The following SDK1 variants were observed in gnomAD, a reference collection of about 807,000 sequenced individuals.
The protein encoded by SDK1 is protein sidekick-1.
Under a neutral mutation model 245.5 loss-of-function variants are expected in SDK1, and 157 were observed. That is an observed-to-expected ratio of 0.64 (90% CI 0.56 to 0.73). The LOEUF (loss-of-function observed/expected upper bound fraction) is 0.73, where lower values mean the gene tolerates loss of function less well. Ranked by LOEUF, SDK1 falls within the 30% of genes least tolerant of loss-of-function variation. The pLI is 0.00. For missense variants in SDK1, 3,583 were observed against 3,002.3 expected, an observed-to-expected ratio of 1.19 and a Z score of -4.52; for synonymous variants, 1,647 against 1,278.5, an observed-to-expected ratio of 1.29 and a Z score of -6.15.
chr7:3,565,316 A>T (rs559126787), intron 1 of SDK1, among the ~76,000 whole-genome samples: 1 of 152,160 alleles, frequency 6.6e-6, no homozygotes, highest in South Asian at 2.1e-4. Context: ...TATGGTTGTT[A>T]TCTGTCAGAC....
intron 11 of SDK1, among the ~76,000 whole-genome samples, chr7:3,971,247 G>A (rs71527464): frequency 6.6e-6 from 1 of 152,164 alleles, no homozygotes; most frequent in Non-Finnish European, 1.5e-5. Flanking sequence ...AGCTGATTTA[G>A]GAGGGGTGGG....
intron 30 of SDK1, among the ~76,000 whole-genome samples, chr7:4,154,693 T>C (rs1400972960): frequency 1.3e-5 from 2 of 152,198 alleles, no homozygotes; most frequent in East Asian, 1.9e-4. Context: ...CCGGTGCTGC[T>C]ATCTCCATGT....
chr7:3,748,896 C>A (rs1309390562), intron 4 of SDK1, among the ~76,000 whole-genome samples: 1 of 152,104 alleles, frequency 6.6e-6, no homozygotes, highest in Non-Finnish European at 1.5e-5. Context: ...CCTGTCCAGA[C>A]AATTTTTTGT....
intron 5 of SDK1, among the ~76,000 whole-genome samples, chr7:3,841,141 C>A (rs1164369372): frequency 6.6e-6 from 1 of 152,202 alleles, no homozygotes; most frequent in Non-Finnish European, 1.5e-5. Flanking sequence ...GCTGACGGTG[C>A]CTTGCCTCTT....
At position 3,363,333 on chromosome 7, in the gene SDK1, A is replaced by G. The variant is rs6966593; in HGVS notation, c.298+61449A>G. ...TTTTTTATTAAGTAGTGTTCCATGG[A>G]AACTGTGTACCACAGATTGTTTAAC... On this transcript the variant is annotated intron_variant, in intron 1 of 44. Transcript: ENST00000404826. Among the ~76,000 whole-genome samples, 1,280 of 152,076 alleles carry G rather than the reference A, an allele frequency of 8.4e-3. 19 individuals carry two copies. The highest frequency in any genetic ancestry group is 0.03 in the African/African-American group (1,244 of 41,460).
intron 4 of SDK1, among the ~76,000 whole-genome samples, chr7:3,782,165 A>G (rs140720567): frequency 6.3e-4 from 96 of 152,374 alleles, no homozygotes; most frequent in Middle Eastern, 6.8e-3. Flanking sequence ...GCATGGTGCC[A>G]GCATGTGCTT....
At chr7:3,509,184 T>A (rs1782497158) in intron 1 of SDK1, among the ~76,000 whole-genome samples, 1 of 152,160 alleles carries the variant, frequency 6.6e-6, no homozygotes, top group Admixed American at 6.5e-5. Context: ...TTAAGTTGTG[T>A]TAGACAATGG....
intron 1 of SDK1, among the ~76,000 whole-genome samples, chr7:3,516,012 C>T (rs980966612): frequency 1.3e-5 from 2 of 151,840 alleles, no homozygotes; most frequent in African/African-American, 4.8e-5. Flanking sequence ...ACTTATAGTT[C>T]ATCAGATGAG....
At chr7:3,927,397 A>G (rs1380167485) in intron 5 of SDK1, among the ~76,000 whole-genome samples, 4 of 152,076 alleles carry the variant, frequency 2.6e-5, no homozygotes, top group Admixed American at 6.6e-5. Context: ...CTGCTGTGTT[A>G]TATGCATCGT....
chr7:4,206,683 G>C (rs1398739111), intron 36 of SDK1, among the ~76,000 whole-genome samples: 1 of 152,152 alleles, frequency 6.6e-6, no homozygotes, highest in African/African-American at 2.4e-5. Context: ...TCCCATCCCT[G>C]AGGCCTGGCC....
In SDK1 at chr7:3,619,357, A is replaced by T. The variant is rs138547824; in HGVS notation, c.458+118A>T. ...ATTGGATTGAATTTCTAATGCATTC[A>T]AGATTAAAGGAATAGATTTGAATAT... is the stretch of plus-strand genomic sequence containing the variant. On this transcript the variant is annotated intron_variant, in intron 2 of 44. Coordinates refer to ENST00000404826, the MANE Select transcript of SDK1 (RefSeq NM_152744.4). 889 of 786,670 alleles carry T rather than the reference A, an allele frequency of 1.1e-3. 7 individuals are homozygous for T. In the African/African-American group the frequency reaches 0.014, roughly 12 times the overall value. The allele number at this position is 786,670 out of a possible 1,614,324, so 48.7% of individuals were successfully genotyped here.
At chr7:3,875,998 G>A (rs979503602) in intron 5 of SDK1, among the ~76,000 whole-genome samples, 3 of 152,086 alleles carry the variant, frequency 2.0e-5, no homozygotes, top group African/African-American at 7.3e-5. Context: ...CACAATGTGG[G>A]GGAAAGTTTT....
At chr7:3,949,239 C>T (rs1010476781) in intron 5 of SDK1, among the ~76,000 whole-genome samples, 4 of 152,226 alleles carry the variant, frequency 2.6e-5, no homozygotes, top group African/African-American at 4.8e-5. Flanking sequence ...GAGTCACCCT[C>T]ACATTATTCA....
chr7:3,389,648 CA>C (rs1781696883), intron 1 of SDK1, among the ~76,000 whole-genome samples: 3 of 152,116 alleles, frequency 2.0e-5, no homozygotes, highest in Admixed American at 6.5e-5. Context: ...GTCTGTAGTC[CA>C]AGCTACTCAG....
intron 17 of SDK1, among the ~76,000 whole-genome samples, chr7:4,022,798 G>C (rs1787016558): frequency 7.0e-6 from 1 of 142,244 alleles, no homozygotes; most frequent in African/African-American, 2.7e-5. Flanking sequence ...TTTTGAGACA[G>C]AGTCTTGCTC....
At chr7:3,777,868 A>C (rs964169218) in intron 4 of SDK1, among the ~76,000 whole-genome samples, 10 of 152,220 alleles carry the variant, frequency 6.6e-5, no homozygotes, top group Admixed American at 6.5e-5. Context: ...AATATAGGTC[A>C]ATTACAAAAG....
intron 14 of SDK1, among the ~76,000 whole-genome samples, chr7:4,007,261 C>T (rs985208742): frequency 6.6e-6 from 1 of 152,170 alleles, no homozygotes; most frequent in African/African-American, 2.4e-5. Context: ...CTGGTAGCCT[C>T]AGAGCGGGTT....
intron 38 of SDK1, among the ~76,000 whole-genome samples, chr7:4,212,108 G>T (rs1333876712): frequency 1.3e-5 from 2 of 152,188 alleles, no homozygotes; most frequent in Non-Finnish European, 2.9e-5. Flanking sequence ...AAAAATTATA[G>T]ATTATTTAAT....
intron 4 of SDK1, among the ~76,000 whole-genome samples, chr7:3,723,267 G>C (rs1778874954): frequency 6.6e-6 from 1 of 152,220 alleles, no homozygotes; most frequent in African/African-American, 2.4e-5. Context: ...TTTGAGTATG[G>C]AGGTAGAGAC....
Sources: allele counts gnomAD v4.1 joint callset (sites outside exome capture counted in the v4.1 genomes callset), GRCh38; gene constraint gnomAD v4.1.1; transcripts MANE v1.5; gene names NCBI Gene and HGNC (gene_info 2026-07-23, HGNC 2026-07-21).